Variants in HSPBAP1 observed in about 807,000 individuals in gnomAD.
The protein encoded by HSPBAP1 is HSPB1 associated protein 1, also known as HSPB1-associated protein 1.
A neutral mutation model predicts 45.2 loss-of-function variants in HSPBAP1; 27 were observed. That is an observed-to-expected ratio of 0.60 (90% CI 0.44 to 0.82). The LOEUF (loss-of-function observed/expected upper bound fraction) is 0.82. Ranked by LOEUF, HSPBAP1 falls within the 40% of genes least tolerant of loss-of-function variation. HSPBAP1 has a pLI of 0.00. For synonymous variants in HSPBAP1, 204 were observed against 202.7 expected (o/e 1.01, Z -0.06); for missense variants, 510 against 590.9 (o/e 0.86, Z 1.42).
chr3:122,755,422 C>A lies in HSPBAP1; in HGVS notation c.579G>T (p.Trp193Cys). 6.9e-7 allele frequency: 1 copy of A among 1,459,600 alleles called. No homozygotes were observed. The highest frequency in any genetic ancestry group is 1.4e-5 in the South Asian group (1 of 69,660). 90.4% of individuals were successfully genotyped at this position (1,459,600 alleles called of 1,614,324 possible). The change falls in exon 5 of 8, where the codon TGG (tryptophan) becomes TGT (cysteine). Residue 193 changes from tryptophan (W) to cysteine (C), a missense_variant. Trp to Cys is a radical substitution (Grantham distance 215). Transcript: ENST00000306103. ...LVFQVQGRKRWHLFPPEDTPF... is the reference protein window; with the variant it reads ...LVFQVQGRKRCHLFPPEDTPF... The stretch of plus-strand genomic sequence containing the variant: ...GAGTATCTTCAGGAGGAAAGAGATG[C>A]CATCGTTTCCTAATTAAAAAAAAAA...
intron 1 of HSPBAP1, 32 bp from the exon 2 acceptor site, chr3:122,777,938 G>A (rs759897176): frequency 1.9e-5 from 28 of 1,487,574 alleles, no homozygotes; most frequent in Non-Finnish European, 2.3e-5. Context: ...GCAATAGATA[G>A]AAAACTATCA....
At chr3:122,780,456 C>A (rs1210997438) in intron 1 of HSPBAP1, among the ~76,000 whole-genome samples, 1 of 105,482 alleles carries the variant, frequency 9.5e-6, no homozygotes, top group Non-Finnish European at 1.9e-5. Context: ...TAGGGGCGGC[C>A]GGGCAGAGGC....
intron 3 of HSPBAP1, among the ~76,000 whole-genome samples, chr3:122,762,693 G>A (rs1934639682): frequency 6.6e-6 from 1 of 152,086 alleles, no homozygotes; most frequent in Admixed American, 6.5e-5. Context: ...CTATCTTTTT[G>A]TCATGAATTT....
chr3:122,752,560 T>TA (rs56192340), intron 6 of HSPBAP1, 31 bp downstream of exon 6: 112,574 of 1,064,538 alleles, frequency 0.11, 2,820 homozygotes, highest in East Asian at 0.36. Flanking sequence ...TGCACTTACT[T>TA]AAAAAAAAAA....
Position 122,759,256 on chromosome 3 carries a change from A to G in HSPBAP1, c.537T>C (p.Tyr179=), listed in dbSNP as rs1219795679. ...GTACCTGGAATACCAAGTTACAACC[A>G]TAGGAGTCCAGATGACAGGGTGTGT... is the stretch of plus-strand genomic sequence containing the variant. The part of the protein sequence containing the change: ...GAHTPCHLDS[Y]GCNLVFQVQG... The change falls in exon 4 of 8, where the codon TAT becomes TAC. Residue 179 remains tyrosine, a synonymous_variant. Coordinates refer to ENST00000306103, the MANE Select transcript of HSPBAP1 (RefSeq NM_024610.6). The G allele has an allele frequency of 5.0e-6, 8 of 1,613,692 alleles. No homozygotes were observed. The Admixed American group carries it at 1.2e-4, about 24-fold the overall frequency.
chr3:122,762,325 C>A (rs545467892), intron 3 of HSPBAP1, among the ~76,000 whole-genome samples: 9 of 148,528 alleles, frequency 6.1e-5, no homozygotes, highest in Admixed American at 3.4e-4. Context: ...TCCAATTGCT[C>A]TTCTCTCAAT....
chr3:122,776,592 C>T (rs1013555841), intron 2 of HSPBAP1, among the ~76,000 whole-genome samples: 1 of 152,168 alleles, frequency 6.6e-6, no homozygotes, highest in Non-Finnish European at 1.5e-5. Flanking sequence ...TTCTATTTTT[C>T]TCCAAATTAG....
intron 1 of HSPBAP1, 30 bp from the exon 2 acceptor site, chr3:122,777,936 T>C (rs1935244555): frequency 6.7e-7 from 1 of 1,499,572 alleles, no homozygotes; most frequent in Non-Finnish European, 9.2e-7. Flanking sequence ...CAGCAATAGA[T>C]AGAAAACTAT....
chr3:122,773,968 T>C (rs143611424), intron 2 of HSPBAP1, among the ~76,000 whole-genome samples: 184 of 152,342 alleles, frequency 1.2e-3, no homozygotes, highest in African/African-American at 4.3e-3. Context: ...ATTTCAGTTT[T>C]GGCCAAAGAG....
chr3:122,778,530 T>A lies in HSPBAP1; in HGVS notation c.65-624A>T, dbSNP rs533163749. 8.6e-3 allele frequency among the ~76,000 whole-genome samples: 1,295 copies of A among 150,570 alleles called. 12 individuals carry two copies. The highest frequency in any genetic ancestry group is 0.026 in the African/African-American group (1,061 of 41,254). On this transcript the variant is annotated intron_variant, in intron 1 of 7. Coordinates refer to ENST00000306103, the MANE Select transcript of HSPBAP1 (RefSeq NM_024610.6). Reference sequence around the variant, plus strand: ...AGTATTTCTTTTTTTTTTATTTTTTTTTTTTTTTTGAGACGGAGTCTCGCT... The same window carrying A: ...AGTATTTCTTTTTTTTTTATTTTTTATTTTTTTTTGAGACGGAGTCTCGCT...
chr3:122,783,378 G>A (rs1325799063), intron 1 of HSPBAP1, among the ~76,000 whole-genome samples: 1 of 152,126 alleles, frequency 6.6e-6, no homozygotes, highest in African/African-American at 2.4e-5. Context: ...GACTTGATGT[G>A]CCTGGATTCC....
chr3:122,748,030 T>C (rs1457336697), intron 6 of HSPBAP1, among the ~76,000 whole-genome samples: 1 of 152,266 alleles, frequency 6.6e-6, no homozygotes, highest in Non-Finnish European at 1.5e-5. Flanking sequence ...CATTTTGTTC[T>C]GTACTAAGAA....
chr3:122,772,849 A>T (rs541337071), intron 2 of HSPBAP1, among the ~76,000 whole-genome samples: 16 of 151,918 alleles, frequency 1.1e-4, no homozygotes, highest in African/African-American at 3.4e-4. Flanking sequence ...TTATTTTTTC[A>T]TTTTTTTTAC....
intron 3 of HSPBAP1, 129 bp from the exon 4 acceptor site, chr3:122,759,489 G>C: frequency 9.7e-7 from 1 of 1,031,088 alleles, no homozygotes; most frequent in African/African-American, 1.6e-5. Flanking sequence ...TGCTACAGAT[G>C]GAAGAGGTTA....
intron 1 of HSPBAP1, among the ~76,000 whole-genome samples, chr3:122,791,764 C>T (rs962928405): frequency 1.3e-5 from 2 of 152,142 alleles, no homozygotes; most frequent in African/African-American, 4.8e-5. Flanking sequence ...ACAAGAGATC[C>T]TGCTAAAGAC....
At chr3:122,785,871 A>AAT (rs1553757603) in intron 1 of HSPBAP1, among the ~76,000 whole-genome samples, 1 of 152,070 alleles carries the variant, frequency 6.6e-6, no homozygotes, top group Non-Finnish European at 1.5e-5. Flanking sequence ...ATAGATAGGG[A>AAT]ATATATATCT....
rs1935913974 is a variant in HSPBAP1 at position 122,793,738 on chromosome 3, C to T, written c.-58G>A. On this transcript the variant is annotated 5_prime_UTR_variant, in exon 1 of 8. Transcript: ENST00000306103. The stretch of plus-strand genomic sequence containing the variant: ...AGGCGGAGCGGAGCTGGGGTGGGGT[C>T]AGAGTAGGGGCCAAACTCCGAGACC... The T allele has an allele frequency of 6.5e-7, 1 of 1,546,820 alleles. No individual in the cohort carries two copies. Among genetic ancestry groups the T allele is most frequent in the Non-Finnish European group, 8.9e-7 (1 of 1,121,432 alleles).
chr3:122,757,432 C>T lies in HSPBAP1; in HGVS notation c.569+1792G>A, dbSNP rs150771577. Reference sequence around the variant, plus strand: ...CACTTATCCATCCTTCAAGGCCCACCACAAATGGCAGCTCCTCTGTGAAAT... The same window carrying T: ...CACTTATCCATCCTTCAAGGCCCACTACAAATGGCAGCTCCTCTGTGAAAT... On this transcript the variant is annotated intron_variant, in intron 4 of 7. Coordinates refer to ENST00000306103, the MANE Select transcript of HSPBAP1 (RefSeq NM_024610.6). 4.3e-4 allele frequency among the ~76,000 whole-genome samples: 65 copies of T among 152,330 alleles called. 1 individual carries two copies. The highest frequency in any genetic ancestry group is 4.2e-3 in the Admixed American group (64 of 15,312).
chr3:122,747,233 C>T (rs1933908617), intron 6 of HSPBAP1, among the ~76,000 whole-genome samples: 1 of 151,904 alleles, frequency 6.6e-6, no homozygotes, highest in Admixed American at 6.6e-5. Flanking sequence ...GCTGCCATCC[C>T]ATCTAGGAAG....
Sources: gnomAD v4.1 joint callset for allele counts (sites outside exome capture counted in the v4.1 genomes callset) on GRCh38, gnomAD v4.1.1 for gene constraint, MANE v1.5 for transcripts, NCBI Gene and HGNC (gene_info 2026-07-23, HGNC 2026-07-21) for gene names.